The following ABCA8 variants were observed in gnomAD, a reference collection of about 807,000 sequenced individuals.
The protein encoded by ABCA8 is ATP binding cassette subfamily A member 8, also known as ABC-type organic anion transporter ABCA8.
Under a neutral mutation model 192.3 loss-of-function variants are expected in ABCA8, and 177 were observed. That is an observed-to-expected ratio of 0.92 (90% CI 0.81 to 1.04). The LOEUF is 1.04. Among genes scored for constraint, ABCA8 ranks in the 50% least tolerant of loss-of-function variants. The pLI is 0.00. For missense variants in ABCA8, 1,915 were observed against 1,904.8 expected (o/e 1.01, Z -0.10); for synonymous variants, 642 against 690.2 (o/e 0.93, Z 1.09).
intron 11 of ABCA8, 133 bp downstream of exon 11, chr17:68,924,568 A>G: frequency 1.1e-6 from 1 of 930,122 alleles, no homozygotes; most frequent in African/African-American, 1.7e-5. Context: ...TTGAGATGGA[A>G]AGTGACAGAA....
intron 5 of ABCA8, 50 bp downstream of exon 5, chr17:68,936,901 A>C (rs1242760572): frequency 6.8e-7 from 1 of 1,470,260 alleles, no homozygotes; most frequent in Non-Finnish European, 9.1e-7. Context: ...CACATGACTT[A>C]TGACATAATT....
At chr17:68,948,564 T>C (rs1207044705) in intron 2 of ABCA8, among the ~76,000 whole-genome samples, 1 of 152,214 alleles carries the variant, frequency 6.6e-6, no homozygotes, top group Non-Finnish European at 1.5e-5. Flanking sequence ...TGTCTGTTCA[T>C]ATTTTGTGTC....
At chr17:68,909,823 T>C (rs546487617) in intron 17 of ABCA8, among the ~76,000 whole-genome samples, 1 of 152,344 alleles carries the variant, frequency 6.6e-6, no homozygotes, top group East Asian at 1.9e-4. Context: ...TTTCTTTGTA[T>C]TGTTGTCATG....
chr17:68,890,275 G>A (rs2066592195), intron 24 of ABCA8, among the ~76,000 whole-genome samples: 1 of 151,920 alleles, frequency 6.6e-6, no homozygotes, highest in Non-Finnish European at 1.5e-5. Context: ...ATCTCACTGA[G>A]GCTATCTTCC....
chr17:68,885,347 C>T, intron 26 of ABCA8, 32 bp from the exon 27 acceptor site: 1 of 1,570,742 alleles, frequency 6.4e-7, no homozygotes, highest in Non-Finnish European at 8.6e-7. Flanking sequence ...GTTAATCACT[C>T]TGAATTTCAA....
At chr17:68,887,897 T>TA (rs1555607370) in intron 24 of ABCA8, among the ~76,000 whole-genome samples, 3 of 46,158 alleles carry the variant, frequency 6.5e-5, no homozygotes, top group Non-Finnish European at 9.9e-5. Flanking sequence ...TATATATATA[T>TA]ATATATATAT....
intron 5 of ABCA8, among the ~76,000 whole-genome samples, chr17:68,936,590 A>G (rs1456886230): frequency 1.3e-5 from 2 of 152,044 alleles, no homozygotes; most frequent in Non-Finnish European, 2.9e-5. Flanking sequence ...CTTGTAGTAT[A>G]ATTTGAACAA....
rs1567861160 is a variant in ABCA8 at position 68,919,501 on chromosome 17, C to T, written c.1613-25G>A. 1.9e-6 allele frequency: 3 copies of T among 1,576,918 alleles called. No individual in the cohort carries two copies. The East Asian group carries it at 6.7e-5, about 35-fold the overall frequency. On this transcript the variant is annotated intron_variant, in intron 13 of 39. Transcript: ENST00000586539. ...CCTGTAACAAAGGAAAAGTTAATAT[C>T]AAGATAAGGCTTAAGATATTTCTTA...
At chr17:68,908,620 A>G (rs1184784863) in intron 17 of ABCA8, among the ~76,000 whole-genome samples, 2 of 152,246 alleles carry the variant, frequency 1.3e-5, no homozygotes, top group East Asian at 3.8e-4. Flanking sequence ...TGCTAAGCCC[A>G]GAACTTTGAA....
rs756620263 is a variant in ABCA8 at position 68,918,121 on chromosome 17, A to T, written c.1973T>A (p.Leu658His). 11 of 1,614,202 alleles carry T rather than the reference A, an allele frequency of 6.8e-6. No homozygotes were observed. Among genetic ancestry groups the T allele is most frequent in the Non-Finnish European group, 9.3e-6 (11 of 1,180,026 alleles). ...GCGGTCTGTTTTGCGTTCTTTCAGAAGGTTCCATACTTGGTGTCTTGAAAA... is the reference window on the plus strand; with the variant it reads ...GCGGTCTGTTTTGCGTTCTTTCAGATGGTTCCATACTTGGTGTCTTGAAAA... ...DPFSRHQVWN[L>H]LKERKTDRVI... The change falls in exon 16 of 40, where the codon CTT (leucine) becomes CAT (histidine). Residue 658 changes from leucine to histidine, a missense_variant. Leu to His is a moderately conservative substitution (Grantham distance 99, BLOSUM62 -3). Transcript: ENST00000586539.
At chr17:68,906,665 T>A (rs1040738878) in intron 18 of ABCA8, among the ~76,000 whole-genome samples, 4 of 152,056 alleles carry the variant, frequency 2.6e-5, no homozygotes, top group Admixed American at 6.5e-5. Flanking sequence ...CATTAAAAAA[T>A]TTTCTGTTTC....
intron 37 of ABCA8, among the ~76,000 whole-genome samples, chr17:68,872,907 C>T (rs535481568): frequency 3.3e-5 from 5 of 151,968 alleles, no homozygotes; most frequent in African/African-American, 4.8e-5. Flanking sequence ...TTTTAAGTTA[C>T]GTGTTACTAC....
At chr17:68,882,454 AC>A (rs2066358841) in intron 30 of ABCA8, 144 bp downstream of exon 30, 3 of 634,272 alleles carry the variant, frequency 4.7e-6, no homozygotes, top group Middle Eastern at 3.8e-4. Context: ...AGTTAACATG[AC>A]TTTTAGTCGC....
At chr17:68,934,496 T>G (rs1423894813) in intron 5 of ABCA8, among the ~76,000 whole-genome samples, 1 of 152,212 alleles carries the variant, frequency 6.6e-6, no homozygotes, top group Non-Finnish European at 1.5e-5. Context: ...AGTTGTACTG[T>G]CTGTATTATA....
chr17:68,880,923 T>C, intron 32 of ABCA8, 197 bp downstream of exon 32: 1 of 586,672 alleles, frequency 1.7e-6, no homozygotes, highest in Non-Finnish European at 3.0e-6. Flanking sequence ...AGCGACACCC[T>C]AAGGATTCTG....
At chr17:68,921,546 T>C in intron 12 of ABCA8, 54 bp from the exon 13 acceptor site, 1 of 1,161,664 alleles carries the variant, frequency 8.6e-7, no homozygotes, top group East Asian at 2.4e-5. Flanking sequence ...TGGAAAACAA[T>C]TAAAACCACA....
rs377721701 is a variant in ABCA8, at chr17:68,882,591, T to C, written c.3828+8A>G. 5 of 1,606,800 alleles carry C rather than the reference T, an allele frequency of 3.1e-6. No individual in the cohort carries two copies. Among genetic ancestry groups the C allele is most frequent in the African/African-American group, 1.3e-5 (1 of 74,686 alleles). ...GACTAATAAAAAAACCTTTGTGTTA[T>C]GTTTTACCTCATCAAAATTAGTAGA... On this transcript the variant is annotated splice_region_variant and intron_variant, in intron 30 of 39. Transcript: ENST00000586539.
intron 32 of ABCA8, 39 bp from the exon 33 acceptor site, chr17:68,877,718 A>G (rs754836353): frequency 6.4e-7 from 1 of 1,566,642 alleles, no homozygotes; most frequent in South Asian, 1.2e-5. Context: ...TACCTTCTGC[A>G]CTGCTTCTTT....
At chr17:68,939,358 C>T (rs532464767) in intron 4 of ABCA8, among the ~76,000 whole-genome samples, 9 of 152,156 alleles carry the variant, frequency 5.9e-5, no homozygotes, top group African/African-American at 2.2e-4. Flanking sequence ...GCTCACATAT[C>T]CTGTGGTTTC....
Sources: gnomAD v4.1 joint callset for allele counts (sites outside exome capture counted in the v4.1 genomes callset) on GRCh38, gnomAD v4.1.1 for gene constraint, MANE v1.5 for transcripts, NCBI Gene and HGNC (gene_info 2026-07-23, HGNC 2026-07-21) for gene names.